The following CSMD3 variants were observed in gnomAD, a reference collection of about 807,000 sequenced individuals.
The protein encoded by CSMD3 is CUB and Sushi multiple domains 3, also known as CUB and sushi domain-containing protein 3.
A neutral mutation model predicts 435.2 loss-of-function variants in CSMD3; 177 were observed. That is an observed-to-expected ratio of 0.41 (90% CI 0.36 to 0.46). The LOEUF is 0.46. Among genes scored for constraint, CSMD3 ranks in the 20% least tolerant of loss-of-function variants. CSMD3 has a pLI of 0.34. For missense variants in CSMD3, 4,265 were observed against 4,504.6 expected (o/e 0.95, Z 1.52); for synonymous variants, 1,656 against 1,520.5 (o/e 1.09, Z -2.07).
chr8:113,343,793 C>G (rs954762656), intron 1 of CSMD3, among the ~76,000 whole-genome samples: 2 of 152,062 alleles, frequency 1.3e-5, no homozygotes, highest in Non-Finnish European at 2.9e-5. Flanking sequence ...GCACTCAAGC[C>G]GGGTGCGGTG....
At position 112,247,143 on chromosome 8, in the gene CSMD3, T is replaced by C. The variant is rs773812570; in HGVS notation, c.10111-12A>G. 19 of 1,552,486 alleles carry C rather than the reference T, an allele frequency of 1.2e-5. No homozygotes were observed. The highest frequency in any genetic ancestry group is 1.4e-5 in the Non-Finnish European group (16 of 1,124,442). On this transcript the variant is annotated splice_polypyrimidine_tract_variant and intron_variant, in intron 63 of 70. Transcript: ENST00000297405. The stretch of plus-strand genomic sequence containing the variant: ...ACAACACTTCCTACCTATAGCAAAT[T>C]AAAGAGAGGAAAAAAATATTCCCCT...
chr8:112,446,774 T>A (rs898364257), intron 32 of CSMD3, among the ~76,000 whole-genome samples: 1 of 152,180 alleles, frequency 6.6e-6, no homozygotes, highest in Non-Finnish European at 1.5e-5. Context: ...GCTTTTTGCT[T>A]TCGAAAACCA....
At chr8:113,368,220 T>C (rs1187295816) in intron 1 of CSMD3, among the ~76,000 whole-genome samples, 1 of 152,126 alleles carries the variant, frequency 6.6e-6, no homozygotes, top group Non-Finnish European at 1.5e-5. Flanking sequence ...CTAACTCACC[T>C]TCCCAGCTGT....
At chr8:112,524,154 G>GTATCA (rs775446102) in intron 27 of CSMD3, among the ~76,000 whole-genome samples, 71 of 151,952 alleles carry the variant, frequency 4.7e-4, no homozygotes, top group African/African-American at 1.3e-3. Flanking sequence ...TGTTGGCATT[G>GTATCA]TATCATATCA....
At chr8:112,319,184 A>G (rs1008527740) in intron 46 of CSMD3, among the ~76,000 whole-genome samples, 7 of 152,118 alleles carry the variant, frequency 4.6e-5, no homozygotes, top group Non-Finnish European at 1.0e-4. Flanking sequence ...GTACTGGTGC[A>G]TGCTGGCTGG....
intron 13 of CSMD3, among the ~76,000 whole-genome samples, chr8:112,743,284 T>C (rs2077352585): frequency 6.6e-6 from 1 of 151,352 alleles, no homozygotes; most frequent in Admixed American, 6.6e-5. Flanking sequence ...TAATTAAGGC[T>C]TACATTCTCA....
At chr8:112,888,517 C>T (rs1270847072) in intron 10 of CSMD3, among the ~76,000 whole-genome samples, 1 of 151,468 alleles carries the variant, frequency 6.6e-6, no homozygotes, top group Non-Finnish European at 1.5e-5. Context: ...TGAAACAAGC[C>T]CGGAATGTAG....
chr8:113,041,893 A>G (rs1250508190), intron 5 of CSMD3, among the ~76,000 whole-genome samples: 1 of 152,096 alleles, frequency 6.6e-6, no homozygotes, highest in Non-Finnish European at 1.5e-5. Flanking sequence ...AGGAGATGAG[A>G]TATTGATTGA....
chr8:112,830,517 GA>G (rs1236705293), intron 11 of CSMD3, among the ~76,000 whole-genome samples: 1 of 151,926 alleles, frequency 6.6e-6, no homozygotes, highest in African/African-American at 2.4e-5. Flanking sequence ...CTATAATATT[GA>G]AAAAATGTAA....
intron 23 of CSMD3, among the ~76,000 whole-genome samples, chr8:112,579,451 T>C (rs1421556065): frequency 9.9e-5 from 15 of 152,026 alleles, no homozygotes; most frequent in Admixed American, 3.9e-4. Context: ...ATTTCTACCA[T>C]AGGGATACAA....
Position 112,476,258 on chromosome 8 carries a change from C to T in CSMD3, c.5279-3551G>A, listed in dbSNP as rs1237111854. Reference sequence around the variant, plus strand: ...ATGGGGTTTTACCATGTCAGCCAGGCTGGTCTTGAACTCCTGACCTCAGGT... The same window carrying T: ...ATGGGGTTTTACCATGTCAGCCAGGTTGGTCTTGAACTCCTGACCTCAGGT... On this transcript the variant is annotated intron_variant, in intron 31 of 70. Coordinates refer to ENST00000297405, the MANE Select transcript of CSMD3 (RefSeq NM_198123.2). Among the ~76,000 whole-genome samples, 3 of 152,232 alleles carry T rather than the reference C, an allele frequency of 2.0e-5. No homozygotes were observed. In the East Asian group the frequency reaches 5.8e-4, roughly 29 times the overall value.
chr8:113,172,110 C>T (rs1024916330), intron 4 of CSMD3, among the ~76,000 whole-genome samples: 5 of 152,162 alleles, frequency 3.3e-5, no homozygotes, highest in African/African-American at 1.2e-4. Context: ...CCTAGTGCTG[C>T]TGTGAGTAAT....
chr8:112,768,652 A>C (rs2078038687), intron 13 of CSMD3, among the ~76,000 whole-genome samples: 1 of 152,062 alleles, frequency 6.6e-6, no homozygotes. Context: ...TACTTTGAGT[A>C]GTAGTGGACT....
At chr8:112,434,538 T>C (rs1814096391) in intron 32 of CSMD3, among the ~76,000 whole-genome samples, 1 of 152,148 alleles carries the variant, frequency 6.6e-6, no homozygotes. Flanking sequence ...TCTAAAATGC[T>C]GTATTGTTAT....
At chr8:112,989,019 C>G (rs2085352143) in intron 6 of CSMD3, among the ~76,000 whole-genome samples, 3 of 151,948 alleles carry the variant, frequency 2.0e-5, no homozygotes, top group African/African-American at 4.8e-5. Context: ...ATTCATTCTT[C>G]CAGAATTTTA....
chr8:112,442,857 A>G (rs555107770), intron 32 of CSMD3, among the ~76,000 whole-genome samples: 1 of 152,278 alleles, frequency 6.6e-6, no homozygotes, highest in African/African-American at 2.4e-5. Flanking sequence ...TCAGATTCAA[A>G]CATGCAGACA....
rs76126004 is a variant in CSMD3 at position 113,355,583 on chromosome 8, C to T, written c.179-40790G>A. Among the ~76,000 whole-genome samples the T allele has an allele frequency of 6.0e-4, 91 of 151,538 alleles. No homozygotes were observed. The East Asian group carries it at 0.013, about 22-fold the overall frequency. ...AACCCTAACTGTCTCCCAAAGGCCGCGCTTCCTGGTACCATCACATTGAGG... is the reference window on the plus strand; with the variant it reads ...AACCCTAACTGTCTCCCAAAGGCCGTGCTTCCTGGTACCATCACATTGAGG... On this transcript the variant is annotated intron_variant, in intron 1 of 70. Transcript: ENST00000297405.
chr8:112,800,364 TC>T (rs2132331037), intron 12 of CSMD3, 90 bp from the exon 13 acceptor site: 1 of 894,284 alleles, frequency 1.1e-6, no homozygotes, highest in East Asian at 2.4e-5. Flanking sequence ...CTCAATACTT[TC>T]TTTGCTAGAA....
chr8:113,055,595 T>C (rs1468452438), intron 5 of CSMD3, among the ~76,000 whole-genome samples: 5 of 152,230 alleles, frequency 3.3e-5, no homozygotes. Context: ...CAGACTTGTA[T>C]AAAATTATGA....
Sources: gnomAD v4.1 joint callset for allele counts (sites outside exome capture counted in the v4.1 genomes callset) on GRCh38, gnomAD v4.1.1 for gene constraint, MANE v1.5 for transcripts, NCBI Gene and HGNC (gene_info 2026-07-23, HGNC 2026-07-21) for gene names.